HHIP: variants seen among roughly 807,000 people sequenced by gnomAD.
HHIP encodes hedgehog interacting protein.
HHIP carries 12 observed loss-of-function variants against 74.0 expected under a neutral mutation model. That is an observed-to-expected ratio of 0.16 (90% CI 0.10 to 0.26). The LOEUF is 0.26. HHIP is among the 10% of genes least tolerant of loss of function. The pLI is 1.00. For missense variants in HHIP, 788 were observed against 845.0 expected (o/e 0.93, Z 0.84); for synonymous variants, 309 against 311.6 (o/e 0.99, Z 0.09).
rs1275513946 is a variant in HHIP at position 144,744,602 on chromosome 4, G to A, written c.*6645G>A. The A allele has an allele frequency of 6.6e-6, 1 of 152,132 alleles. No homozygotes were observed. Among genetic ancestry groups the A allele is most frequent in the Admixed American group, 6.6e-5 (1 of 15,260 alleles). The allele number at this position is 152,132 out of a possible 1,614,324, so 9.4% of individuals were successfully genotyped here. A position where few individuals can be genotyped will look rare whatever the true frequency, so the allele number is the denominator to read the frequency against. On this transcript the variant is annotated 3_prime_UTR_variant, in exon 13 of 13. Transcript: ENST00000296575. Reference sequence around the variant, plus strand: ...AGTTACATGCATAGTCATTGGCTCAGGTAATTTCTCTGAATTTGAACTTAT... The same window carrying A: ...AGTTACATGCATAGTCATTGGCTCAAGTAATTTCTCTGAATTTGAACTTAT...
At chr4:144,677,997 A>G (rs986036543) in intron 4 of HHIP, among the ~76,000 whole-genome samples, 5 of 152,178 alleles carry the variant, frequency 3.3e-5, no homozygotes, top group Non-Finnish European at 7.4e-5. Context: ...GGTCAAAAAG[A>G]CTGACTTAGT....
At chr4:144,725,248 T>G (rs932534065) in intron 11 of HHIP, among the ~76,000 whole-genome samples, 1 of 152,224 alleles carries the variant, frequency 6.6e-6, no homozygotes, top group Non-Finnish European at 1.5e-5. Flanking sequence ...AAAAACTGCA[T>G]CTTAGCATCA....
At chr4:144,647,048 C>T (rs981355148) in intron 1 of HHIP, 94 bp downstream of exon 1, 5 of 1,115,250 alleles carry the variant, frequency 4.5e-6, no homozygotes, top group Non-Finnish European at 6.4e-6. Context: ...GTAAGAAGGT[C>T]AAAACTTCTT....
chr4:144,716,666 G>A (rs1730451814), intron 10 of HHIP, among the ~76,000 whole-genome samples: 1 of 151,840 alleles, frequency 6.6e-6, no homozygotes, highest in African/African-American at 2.4e-5. Context: ...TGGCCAACAT[G>A]GTGAAGCTCT....
rs558645224 is a variant in HHIP, at chr4:144,738,750, C to A, written c.*793C>A. ...CCTAGATGAAACACCTTTACCCTGT[C>A]CTGTAAAACACTAAAGTTACATTTT... On this transcript the variant is annotated 3_prime_UTR_variant, in exon 13 of 13. Coordinates refer to ENST00000296575, the MANE Select transcript of HHIP (RefSeq NM_022475.3). 1.3e-5 allele frequency: 11 copies of A among 827,658 alleles called. No individual in the cohort carries two copies. The African/African-American group carries it at 2.0e-4, about 15-fold the overall frequency. 51.3% of individuals were successfully genotyped at this position (827,658 alleles called of 1,614,324 possible). A position where few individuals can be genotyped will look rare whatever the true frequency, so the allele number is the denominator to read the frequency against.
At chr4:144,704,375 C>T (rs959376657) in intron 4 of HHIP, among the ~76,000 whole-genome samples, 1 of 152,118 alleles carries the variant, frequency 6.6e-6, no homozygotes, top group Non-Finnish European at 1.5e-5. Context: ...CTCTGTCATT[C>T]ACATGTCTCA....
chr4:144,690,389 A>G (rs1175670409), intron 4 of HHIP, among the ~76,000 whole-genome samples: 2 of 152,210 alleles, frequency 1.3e-5, no homozygotes, highest in East Asian at 3.9e-4. Context: ...ATACCTGGAA[A>G]GTACTAGGAT....
intron 11 of HHIP, among the ~76,000 whole-genome samples, chr4:144,728,777 T>C (rs151067127): frequency 2.0e-5 from 3 of 152,302 alleles, no homozygotes; most frequent in African/African-American, 7.2e-5. Context: ...CAATATTACA[T>C]GGTTACACAG....
chr4:144,705,047 G>A (rs1730095088), intron 4 of HHIP, among the ~76,000 whole-genome samples: 2 of 152,290 alleles, frequency 1.3e-5, no homozygotes, highest in Middle Eastern at 3.4e-3. Context: ...GTGATGTGGA[G>A]GAAAGTTGAC....
At position 144,721,951 on chromosome 4, in the gene HHIP, T is replaced by C. The variant is rs142738442; in HGVS notation, c.1760+2995T>C. 5.4e-3 allele frequency among the ~76,000 whole-genome samples: 824 copies of C among 151,252 alleles called. 10 individuals are homozygous for C. Among genetic ancestry groups the C allele is most frequent in the African/African-American group, 0.019 (765 of 41,222 alleles). On this transcript the variant is annotated intron_variant, in intron 11 of 12. Transcript: ENST00000296575. ...CGAGGAAACAGAAAAGGAATTAAGT[T>C]TGCCTCCATGTTAGAACATTGTACA... is the stretch of plus-strand genomic sequence containing the variant.
chr4:144,658,360 T>TATTC (rs1728605140), intron 2 of HHIP, among the ~76,000 whole-genome samples: 1 of 150,994 alleles, frequency 6.6e-6, no homozygotes, highest in African/African-American at 2.4e-5. Context: ...AGTATTTATT[T>TATTC]ATTTATTTAT....
rs1730150857 is a variant in HHIP, at chr4:144,706,527, G to A, written c.832-4G>A. 1 of 1,600,806 alleles carries A rather than the reference G, an allele frequency of 6.2e-7. No individual in the cohort carries two copies. ...AATTCTTTGTGTTTTTCATTTGACT[G>A]CAGGGAGGAGATGAAAGAGGACTGC... On this transcript the variant is annotated splice_region_variant and splice_polypyrimidine_tract_variant and intron_variant, in intron 4 of 12. Transcript: ENST00000296575.
chr4:144,698,674 T>G (rs1208225833), intron 4 of HHIP, among the ~76,000 whole-genome samples: 1 of 152,148 alleles, frequency 6.6e-6, no homozygotes, highest in Non-Finnish European at 1.5e-5. Flanking sequence ...TAGAGGAAAT[T>G]TTAATGAAAA....
chr4:144,657,856 G>A (rs758689748), intron 2 of HHIP, among the ~76,000 whole-genome samples: 5 of 152,074 alleles, frequency 3.3e-5, no homozygotes, highest in Non-Finnish European at 5.9e-5. Flanking sequence ...TCCTATAAGT[G>A]AGGTGCAGGA....
intron 11 of HHIP, among the ~76,000 whole-genome samples, chr4:144,732,805 A>G (rs1730999844): frequency 6.6e-6 from 1 of 152,180 alleles, no homozygotes; most frequent in Admixed American, 6.5e-5. Flanking sequence ...TAGATTTTTG[A>G]CATACTCTAT....
intron 4 of HHIP, among the ~76,000 whole-genome samples, chr4:144,682,501 C>G (rs1482801170): frequency 2.0e-5 from 3 of 152,132 alleles, no homozygotes; most frequent in African/African-American, 7.2e-5. Flanking sequence ...TATCTCTGTT[C>G]AATTTTCCTG....
chr4:144,722,341 G>T (rs1158938973), intron 11 of HHIP, among the ~76,000 whole-genome samples: 2 of 152,056 alleles, frequency 1.3e-5, no homozygotes, highest in Non-Finnish European at 2.9e-5. Flanking sequence ...GTGTCCCTTT[G>T]TCCATCAAAA....
At chr4:144,713,194 G>A (rs552209328) in intron 8 of HHIP, among the ~76,000 whole-genome samples, 2 of 152,052 alleles carry the variant, frequency 1.3e-5, no homozygotes, top group African/African-American at 4.8e-5. Context: ...CACTATCATT[G>A]GCCACATTGT....
intron 4 of HHIP, among the ~76,000 whole-genome samples, chr4:144,691,304 T>C (rs1729656727): frequency 6.6e-6 from 1 of 152,226 alleles, no homozygotes; most frequent in Non-Finnish European, 1.5e-5. Flanking sequence ...AGGTTTATTA[T>C]ATCATGCATA....
Sources: allele counts gnomAD v4.1 joint callset (sites outside exome capture counted in the v4.1 genomes callset), GRCh38; gene constraint gnomAD v4.1.1; transcripts MANE v1.5; gene names NCBI Gene and HGNC (gene_info 2026-07-23, HGNC 2026-07-21).